Variants in THSD7A observed in about 807,000 individuals in gnomAD.
THSD7A encodes thrombospondin type-1 domain-containing protein 7A.
A neutral mutation model predicts 231.3 loss-of-function variants in THSD7A; 96 were observed. The observed-to-expected ratio is 0.41, with a 90% CI of 0.35 to 0.49. The LOEUF (loss-of-function observed/expected upper bound fraction) is 0.49. Ranked by LOEUF, THSD7A falls within the 20% of genes least tolerant of loss-of-function variation. The pLI, the probability that THSD7A is intolerant of heterozygous loss-of-function variation, is 0.05. For synonymous variants in THSD7A, 940 were observed against 743.3 expected (o/e 1.26, Z -4.30); for missense variants, 2,290 against 2,070.2 (o/e 1.11, Z -2.06).
intron 6 of THSD7A, among the ~76,000 whole-genome samples, chr7:11,492,726 A>C (rs997976189): frequency 6.6e-6 from 1 of 152,110 alleles, no homozygotes; most frequent in Non-Finnish European, 1.5e-5. Context: ...AGACTGGTCT[A>C]TGTGGGAAGG....
chr7:11,385,671 T>A (rs186833091), intron 23 of THSD7A: 105 of 152,144 alleles, frequency 6.9e-4, no homozygotes, highest in African/African-American at 2.3e-3. Context: ...ATTAATTTGG[T>A]TAGCTAATAT....
intron 1 of THSD7A, among the ~76,000 whole-genome samples, chr7:11,699,053 T>G (rs895916922): frequency 1.3e-5 from 2 of 150,514 alleles, no homozygotes; most frequent in Admixed American, 1.3e-4. Context: ...AGAGCCAGAA[T>G]AGTCCAAATA....
intron 10 of THSD7A, among the ~76,000 whole-genome samples, chr7:11,461,081 C>T (rs1005363506): frequency 2.0e-5 from 3 of 152,104 alleles, no homozygotes; most frequent in Non-Finnish European, 2.9e-5. Context: ...GTGATGCATG[C>T]CATTTAAATA....
At chr7:11,671,475 C>T (rs986147185) in intron 1 of THSD7A, among the ~76,000 whole-genome samples, 2 of 152,108 alleles carry the variant, frequency 1.3e-5, no homozygotes, top group African/African-American at 4.8e-5. Context: ...TGCTGAGAAA[C>T]ATTCTGTTCA....
chr7:11,652,372 C>T (rs1286959598), intron 1 of THSD7A, among the ~76,000 whole-genome samples: 1 of 151,910 alleles, frequency 6.6e-6, no homozygotes, highest in Non-Finnish European at 1.5e-5. Flanking sequence ...ACACTTAGAA[C>T]ACTAAAACGC....
intron 1 of THSD7A, among the ~76,000 whole-genome samples, chr7:11,671,166 C>T (rs1331663974): frequency 6.6e-6 from 1 of 152,154 alleles, no homozygotes; most frequent in African/African-American, 2.4e-5. Flanking sequence ...GTAGAAAATG[C>T]TTTTAGCTGC....
intron 7 of THSD7A, among the ~76,000 whole-genome samples, chr7:11,479,251 C>T (rs772574978): frequency 6.6e-6 from 1 of 152,146 alleles, no homozygotes; most frequent in Non-Finnish European, 1.5e-5. Context: ...AAGGAGTTAT[C>T]CAGCCTTCAG....
rs748908799 is a variant in THSD7A, at chr7:11,759,158, T to TA, written c.190+72598dup. Reference sequence around the variant, plus strand: ...AGGAGCAACCATGAGTGAAAGTCAGTAAAAAAAACACATTACAGTTGAAGC... The same window carrying TA: ...AGGAGCAACCATGAGTGAAAGTCAGTAAAAAAAAACACATTACAGTTGAAGC... On this transcript the variant is annotated intron_variant, in intron 1 of 27. Transcript: ENST00000423059. 6.3e-4 allele frequency among the ~76,000 whole-genome samples: 95 copies of TA among 151,566 alleles called. 1 individual carries two copies. The highest frequency in any genetic ancestry group is 5.6e-3 in the South Asian group (27 of 4,804).
intron 1 of THSD7A, among the ~76,000 whole-genome samples, chr7:11,645,717 T>C (rs978007174): frequency 1.3e-5 from 2 of 151,844 alleles, no homozygotes; most frequent in African/African-American, 4.8e-5. Flanking sequence ...TGCTATGTTT[T>C]ATTTCATATT....
intron 5 of THSD7A, 30 bp downstream of exon 5, chr7:11,542,932 T>TA (rs1789214113): frequency 6.2e-7 from 1 of 1,607,448 alleles, no homozygotes; most frequent in South Asian, 1.1e-5. Flanking sequence ...TTGGTGGGTA[T>TA]AAAAGGCATG....
At chr7:11,563,704 A>G (rs906911692) in intron 4 of THSD7A, among the ~76,000 whole-genome samples, 2 of 152,166 alleles carry the variant, frequency 1.3e-5, no homozygotes, top group Admixed American at 6.5e-5. Context: ...CTTTTAAACC[A>G]AGACATTATA....
At chr7:11,496,776 C>T (rs972302543) in intron 6 of THSD7A, among the ~76,000 whole-genome samples, 6 of 152,090 alleles carry the variant, frequency 3.9e-5, no homozygotes, top group African/African-American at 9.7e-5. Context: ...ACATGCAAAA[C>T]ATACAATGAA....
At chr7:11,403,453 A>G (rs1783476437) in intron 22 of THSD7A, among the ~76,000 whole-genome samples, 2 of 152,190 alleles carry the variant, frequency 1.3e-5, no homozygotes, top group Admixed American at 1.3e-4. Context: ...AAGAATTTCT[A>G]AATAGTCTGA....
At position 11,620,967 on chromosome 7, in the gene THSD7A, C is replaced by T. The variant is rs983006493; in HGVS notation, c.1022+15163G>A. Among the ~76,000 whole-genome samples, 11 of 152,284 alleles carry T rather than the reference C, an allele frequency of 7.2e-5. No individual in the cohort carries two copies. The South Asian group carries it at 1.5e-3, about 20-fold the overall frequency. ...GCTTCACGTGTTCCTCTGGCTCCCTCGGCTCTAGACTACCAGCCTCATAAT... is the reference window on the plus strand; with the variant it reads ...GCTTCACGTGTTCCTCTGGCTCCCTTGGCTCTAGACTACCAGCCTCATAAT... On this transcript the variant is annotated intron_variant, in intron 2 of 27. Coordinates refer to ENST00000423059, the MANE Select transcript of THSD7A (RefSeq NM_015204.3).
At position 11,543,101 on chromosome 7, in the gene THSD7A, G is replaced by A. The variant is rs768291065; in HGVS notation, c.1470C>T (p.Asp490=). The A allele has an allele frequency of 6.2e-7, 1 of 1,611,582 alleles. No homozygotes were observed. The highest frequency in any genetic ancestry group is 1.3e-5 in the African/African-American group (1 of 74,972). Residue 490 remains aspartate, a synonymous_variant, in exon 5 of 28, where the codon GAC becomes GAT. Transcript: ENST00000423059. The part of the protein sequence containing the change: ...HKNKEASKPM[D]LKLCTGPIPN... ...GGATAGGTCCAGTGCATAATTTTAA[G>A]TCCATTGGCTTTGAGGCTAGAGAAA...
chr7:11,742,517 T>C (rs1055069156), intron 1 of THSD7A, among the ~76,000 whole-genome samples: 5 of 151,810 alleles, frequency 3.3e-5, no homozygotes, highest in African/African-American at 7.3e-5. Flanking sequence ...TGTGGTGAAA[T>C]AGCATGTTCC....
At chr7:11,656,647 G>T (rs1322429680) in intron 1 of THSD7A, among the ~76,000 whole-genome samples, 1 of 151,790 alleles carries the variant, frequency 6.6e-6, no homozygotes, top group Non-Finnish European at 1.5e-5. Context: ...ACAATATCTG[G>T]TTAACTTAAC....
At chr7:11,510,373 G>A (rs574990552) in intron 6 of THSD7A, among the ~76,000 whole-genome samples, 3 of 152,236 alleles carry the variant, frequency 2.0e-5, no homozygotes, top group African/African-American at 7.2e-5. Flanking sequence ...TATTCCTTCT[G>A]AAACTATTCC....
intron 1 of THSD7A, among the ~76,000 whole-genome samples, chr7:11,696,800 T>C (rs1371644906): frequency 6.6e-6 from 1 of 151,520 alleles, no homozygotes; most frequent in African/African-American, 2.4e-5. Context: ...CAAACCCGTA[T>C]ACTTATAGGC....
Sources: allele counts gnomAD v4.1 joint callset (sites outside exome capture counted in the v4.1 genomes callset), GRCh38; gene constraint gnomAD v4.1.1; transcripts MANE v1.5; gene names NCBI Gene and HGNC (gene_info 2026-07-23, HGNC 2026-07-21).